LRFN5: variants seen among roughly 807,000 people sequenced by gnomAD.
LRFN5 encodes the protein leucine-rich repeat and fibronectin type-III domain-containing protein 5.
A neutral mutation model predicts 45.6 loss-of-function variants in LRFN5; 24 were observed. That is an observed-to-expected ratio of 0.53 (90% CI 0.38 to 0.74). The LOEUF is 0.74. LRFN5 is among the 30% of genes least tolerant of loss of function. The pLI, the probability that LRFN5 is intolerant of heterozygous loss-of-function variation, is 0.00. For missense variants in LRFN5, 776 were observed against 861.5 expected (o/e 0.90, Z 1.24); for synonymous variants, 340 against 313.8 (o/e 1.08, Z -0.88).
At chr14:41,789,659 C>A (rs961306686) in intron 2 of LRFN5, among the ~76,000 whole-genome samples, 7 of 151,924 alleles carry the variant, frequency 4.6e-5, no homozygotes, top group African/African-American at 1.7e-4. Flanking sequence ...TGCATCTTAG[C>A]CTCTCACTCA....
intron 2 of LRFN5, among the ~76,000 whole-genome samples, chr14:41,843,066 C>T (rs1025597615): frequency 5.6e-5 from 8 of 141,996 alleles, no homozygotes; most frequent in Admixed American, 2.1e-4. Context: ...TAAAAATTTT[C>T]GTTTTTCTTT....
At chr14:41,760,462 A>G (rs898858056) in intron 1 of LRFN5, among the ~76,000 whole-genome samples, 2 of 152,134 alleles carry the variant, frequency 1.3e-5, no homozygotes, top group African/African-American at 2.4e-5. Context: ...AACAAACAGA[A>G]CTTGCACTTT....
At chr14:41,638,512 AT>A (rs1461353721) in intron 1 of LRFN5, among the ~76,000 whole-genome samples, 13 of 152,292 alleles carry the variant, frequency 8.5e-5, no homozygotes, top group African/African-American at 2.9e-4. Flanking sequence ...AACATGTAGT[AT>A]AAAATTCTAA....
chr14:41,734,577 C>T (rs1488356316), intron 1 of LRFN5, among the ~76,000 whole-genome samples: 4 of 150,400 alleles, frequency 2.7e-5, no homozygotes, highest in Non-Finnish European at 5.9e-5. Context: ...TTCTTATAAG[C>T]AGTATACAAT....
chr14:41,831,524 G>A (rs971066860), intron 2 of LRFN5, among the ~76,000 whole-genome samples: 19 of 152,114 alleles, frequency 1.2e-4, no homozygotes, highest in Non-Finnish European at 2.4e-4. Context: ...GTATGTGTGT[G>A]TGTGTTTATG....
At chr14:41,888,658 G>T (rs1452705421) in intron 3 of LRFN5, among the ~76,000 whole-genome samples, 4 of 151,992 alleles carry the variant, frequency 2.6e-5, no homozygotes, top group Admixed American at 2.0e-4. Context: ...TGGTTGTGTT[G>T]TCTCATGTGT....
chr14:41,635,909 T>C (rs1879285283), intron 1 of LRFN5, among the ~76,000 whole-genome samples: 1 of 152,154 alleles, frequency 6.6e-6, no homozygotes, highest in Admixed American at 6.6e-5. Flanking sequence ...CATTCTAAAT[T>C]TGCATACTTT....
At chr14:41,902,992 T>C (rs1298373388) in intron 5 of LRFN5, among the ~76,000 whole-genome samples, 3 of 151,688 alleles carry the variant, frequency 2.0e-5, no homozygotes, top group African/African-American at 7.2e-5. Flanking sequence ...GATAATAATA[T>C]CTATATTTCA....
intron 4 of LRFN5, among the ~76,000 whole-genome samples, chr14:41,895,307 A>C (rs1394190103): frequency 6.6e-6 from 1 of 152,180 alleles, no homozygotes; most frequent in African/African-American, 2.4e-5. Flanking sequence ...TAAATACATA[A>C]AAAGATTAAA....
intron 2 of LRFN5, among the ~76,000 whole-genome samples, chr14:41,826,152 T>C (rs1201882675): frequency 6.6e-6 from 1 of 152,176 alleles, no homozygotes; most frequent in Non-Finnish European, 1.5e-5. Flanking sequence ...TAAAAGGATT[T>C]TGTGAGGTGG....
chr14:41,810,226 G>C (rs908804036), intron 2 of LRFN5, among the ~76,000 whole-genome samples: 10 of 151,960 alleles, frequency 6.6e-5, no homozygotes, highest in African/African-American at 2.4e-4. Context: ...AACCTAAGAA[G>C]TTCATCTCCA....
intron 2 of LRFN5, among the ~76,000 whole-genome samples, chr14:41,781,634 G>GA (rs1178832208): frequency 1.0e-4 from 12 of 114,990 alleles, no homozygotes; most frequent in Admixed American, 2.7e-4. Context: ...AAGAAAGAAA[G>GA]GAAAGAAAGA....
At chr14:41,895,378 C>A in intron 4 of LRFN5, among the ~76,000 whole-genome samples, 1 of 152,104 alleles carries the variant, frequency 6.6e-6, no homozygotes, top group East Asian at 1.9e-4. Context: ...AATCCCAGCA[C>A]TCTGGGGGCC....
chr14:41,659,891 TG>T (rs111736303), intron 1 of LRFN5, among the ~76,000 whole-genome samples: 16 of 147,322 alleles, frequency 1.1e-4, no homozygotes, highest in African/African-American at 2.6e-4. Flanking sequence ...CACTTTTTGA[TG>T]TTTTTTTTTT....
intron 1 of LRFN5, among the ~76,000 whole-genome samples, chr14:41,656,089 G>A (rs1340990098): frequency 6.6e-6 from 1 of 151,910 alleles, no homozygotes; most frequent in African/African-American, 2.4e-5. Flanking sequence ...CTTGAGTAAT[G>A]TAGTAATCTT....
intron 2 of LRFN5, among the ~76,000 whole-genome samples, chr14:41,785,196 G>A (rs568323927): frequency 2.8e-4 from 42 of 152,028 alleles, no homozygotes; most frequent in African/African-American, 9.2e-4. Flanking sequence ...GTTAGGTCTT[G>A]CTATTTTATT....
intron 2 of LRFN5, among the ~76,000 whole-genome samples, chr14:41,883,503 C>G (rs72670423): frequency 0.013 from 2,024 of 152,292 alleles, 20 homozygotes; most frequent in South Asian, 0.032. Flanking sequence ...TGCAGGTTTG[C>G]TGGTGAAGAA....
intron 4 of LRFN5, chr14:41,892,930 G>C: frequency 2.0e-6 from 2 of 985,246 alleles, no homozygotes; most frequent in Non-Finnish European, 2.4e-6. Flanking sequence ...ACAAGATAAA[G>C]AGGGAGACAA....
At chr14:41,769,486 G>C (rs533231332) in intron 2 of LRFN5, among the ~76,000 whole-genome samples, 1 of 152,138 alleles carries the variant, frequency 6.6e-6, no homozygotes, top group African/African-American at 2.4e-5. Context: ...ACCTATGTAT[G>C]TGTGTGTATT....
Sources: allele counts gnomAD v4.1 joint callset (sites outside exome capture counted in the v4.1 genomes callset), GRCh38; gene constraint gnomAD v4.1.1; transcripts MANE v1.5; gene names NCBI Gene and HGNC (gene_info 2026-07-23, HGNC 2026-07-21).